The following AGBL1 variants were observed in gnomAD, a reference collection of about 807,000 sequenced individuals.
AGBL1 encodes cytosolic carboxypeptidase 4.
A neutral mutation model predicts 118.9 loss-of-function variants in AGBL1; 130 were observed. That is an observed-to-expected ratio of 1.09 (90% CI 0.95 to 1.26). AGBL1 has a LOEUF of 1.26. AGBL1 is among the 50% of genes most tolerant of loss of function. The pLI is 0.00. For missense variants in AGBL1, 1,584 were observed against 1,298.1 expected, an observed-to-expected ratio of 1.22 and a Z score of -3.38; for synonymous variants, 555 against 478.9, an observed-to-expected ratio of 1.16 and a Z score of -2.08.
intron 18 of AGBL1, among the ~76,000 whole-genome samples, chr15:86,441,582 G>A (rs1389398622): frequency 1.3e-5 from 2 of 152,198 alleles, no homozygotes; most frequent in Non-Finnish European, 2.9e-5. Flanking sequence ...GCAGACCCAT[G>A]CCAAGGCCTT....
chr15:86,171,879 TG>T lies in AGBL1; in HGVS notation c.488+12855del. 2.0e-5 allele frequency among the ~76,000 whole-genome samples: 3 copies of T among 152,270 alleles called. No individual in the cohort carries two copies. The South Asian group carries it at 6.2e-4, about 32-fold the overall frequency. ...TTAGCCATAAAAAGAAACAAAATAG[TG>T]GCATTCACAACAACCTAGATGAAAT... On this transcript the variant is annotated intron_variant, in intron 5 of 22. Coordinates refer to ENST00000614907, the MANE Select transcript of AGBL1 (RefSeq NM_001386094.1).
At chr15:86,748,455 T>A (rs546558723) in intron 22 of AGBL1, among the ~76,000 whole-genome samples, 2 of 150,732 alleles carry the variant, frequency 1.3e-5, no homozygotes, top group African/African-American at 4.9e-5. Flanking sequence ...GATGGTAGTT[T>A]CTTTTGTTGT....
chr15:86,705,369 G>T (rs925747118), intron 22 of AGBL1, among the ~76,000 whole-genome samples: 1 of 152,060 alleles, frequency 6.6e-6, no homozygotes, highest in Non-Finnish European at 1.5e-5. Flanking sequence ...TATTAACAAC[G>T]TAAGAATGGA....
chr15:86,433,858 T>C (rs1262419205), intron 18 of AGBL1, among the ~76,000 whole-genome samples: 1 of 152,216 alleles, frequency 6.6e-6, no homozygotes, highest in Non-Finnish European at 1.5e-5. Flanking sequence ...ATAACTCTCT[T>C]CCTTTCCTTT....
At chr15:86,208,512 A>G (rs1163144883) in intron 5 of AGBL1, among the ~76,000 whole-genome samples, 1 of 152,166 alleles carries the variant, frequency 6.6e-6, no homozygotes, top group South Asian at 2.1e-4. Flanking sequence ...TTATTGGTCT[A>G]TTCAGAGATT....
chr15:86,602,768 G>T (rs2084516124), intron 21 of AGBL1, among the ~76,000 whole-genome samples: 1 of 152,184 alleles, frequency 6.6e-6, no homozygotes, highest in Non-Finnish European at 1.5e-5. Context: ...TGAGAATTCT[G>T]AAGTTAAAAG....
In AGBL1 at chr15:86,523,097, T is replaced by C. The variant is rs188786815; in HGVS notation, c.2685+158T>C. ...ATGGTGCATTGACTTCCTGGGCTGCTGTACCAAACTGCCACAACTGGGTAG... is the reference window on the plus strand; with the variant it reads ...ATGGTGCATTGACTTCCTGGGCTGCCGTACCAAACTGCCACAACTGGGTAG... On this transcript the variant is annotated intron_variant, in intron 19 of 22. Transcript: ENST00000614907. 2.4e-4 allele frequency: 205 copies of C among 840,890 alleles called. 1 individual carries two copies. The East Asian group carries it at 5.0e-3, about 21-fold the overall frequency. 52.1% of individuals were successfully genotyped at this position (840,890 alleles called of 1,614,324 possible).
At chr15:86,623,603 A>T (rs1236864018) in intron 21 of AGBL1, among the ~76,000 whole-genome samples, 1 of 152,124 alleles carries the variant, frequency 6.6e-6, no homozygotes, top group African/African-American at 2.4e-5. Flanking sequence ...TATTTTTGTT[A>T]TCTGATAGAA....
chr15:86,471,559 C>G (rs372033993), intron 18 of AGBL1, among the ~76,000 whole-genome samples: 1 of 149,904 alleles, frequency 6.7e-6, no homozygotes, highest in Non-Finnish European at 1.5e-5. Flanking sequence ...ACACTGGCCT[C>G]GTAAAATGAA....
intron 22 of AGBL1, among the ~76,000 whole-genome samples, chr15:86,846,721 G>C (rs535298430): frequency 1.3e-5 from 2 of 152,072 alleles, no homozygotes; most frequent in African/African-American, 4.8e-5. Flanking sequence ...TAGTAGAGAC[G>C]AGGTTTCACT....
chr15:86,688,098 G>A (rs1240655694), intron 22 of AGBL1, among the ~76,000 whole-genome samples: 3 of 152,154 alleles, frequency 2.0e-5, no homozygotes, highest in Non-Finnish European at 2.9e-5. Flanking sequence ...ACTAATGCCA[G>A]GAGAAACAAC....
intron 17 of AGBL1, among the ~76,000 whole-genome samples, chr15:86,357,410 G>A (rs144584753): frequency 1.3e-5 from 2 of 152,288 alleles, no homozygotes; most frequent in Admixed American, 1.3e-4. Context: ...GAGTGGGCTT[G>A]TGCTTGATAA....
At chr15:86,582,228 G>A (rs185822522) in intron 21 of AGBL1, among the ~76,000 whole-genome samples, 1 of 152,256 alleles carries the variant, frequency 6.6e-6, no homozygotes, top group Non-Finnish European at 1.5e-5. Context: ...TTCACTCTTT[G>A]AGTCTTGGTT....
intron 22 of AGBL1, among the ~76,000 whole-genome samples, chr15:86,826,789 T>C (rs368865261): frequency 2.8e-4 from 42 of 152,024 alleles, no homozygotes; most frequent in African/African-American, 8.9e-4. Context: ...GATATGACCA[T>C]TGGAATTCTT....
intron 21 of AGBL1, among the ~76,000 whole-genome samples, chr15:86,670,547 T>C (rs1274782929): frequency 1.3e-5 from 2 of 149,850 alleles, no homozygotes; most frequent in African/African-American, 2.5e-5. Context: ...GAGGTTGCAG[T>C]GAGCTGAGAT....
chr15:86,133,682 A>C (rs1423858828), intron 1 of AGBL1, among the ~76,000 whole-genome samples: 1 of 152,214 alleles, frequency 6.6e-6, no homozygotes, highest in African/African-American at 2.4e-5. Flanking sequence ...GAGGAGGATC[A>C]TTGATATCCT....
intron 22 of AGBL1, among the ~76,000 whole-genome samples, chr15:86,718,355 A>G (rs1442666825): frequency 6.6e-6 from 1 of 152,154 alleles, no homozygotes; most frequent in Admixed American, 6.5e-5. Context: ...ACTTGGACAC[A>G]GGGTGGGGAA....
intron 22 of AGBL1, among the ~76,000 whole-genome samples, chr15:86,850,514 C>A (rs2079393818): frequency 6.6e-6 from 1 of 152,180 alleles, no homozygotes; most frequent in East Asian, 1.9e-4. Context: ...GCCCACATTG[C>A]CTGTCTTTGT....
chr15:86,349,862 A>G (rs2080598228), intron 17 of AGBL1, among the ~76,000 whole-genome samples: 1 of 152,218 alleles, frequency 6.6e-6, no homozygotes, highest in Non-Finnish European at 1.5e-5. Context: ...TTCAATTTAT[A>G]TATCTTTGGG....
Sources: allele counts gnomAD v4.1 joint callset (sites outside exome capture counted in the v4.1 genomes callset), GRCh38; gene constraint gnomAD v4.1.1; transcripts MANE v1.5; gene names NCBI Gene and HGNC (gene_info 2026-07-23, HGNC 2026-07-21).